Variants in NCKIPSD observed in about 807,000 individuals in gnomAD.
The protein encoded by NCKIPSD is NCK interacting protein with SH3 domain, also known as NCK-interacting protein with SH3 domain.
NCKIPSD carries 48 observed loss-of-function variants against 73.4 expected under a neutral mutation model. The observed-to-expected ratio is 0.65, with a 90% CI of 0.52 to 0.83. The LOEUF is 0.83. NCKIPSD is among the 40% of genes least tolerant of loss of function. The probability of loss-of-function intolerance (pLI) is 0.00; values close to 1 mark genes in which losing one functional copy is unlikely to be tolerated. For synonymous variants in NCKIPSD, 422 were observed against 403.6 expected, an observed-to-expected ratio of 1.05 and a Z score of -0.54; for missense variants, 884 against 970.2, an observed-to-expected ratio of 0.91 and a Z score of 1.18.
intron 11 of NCKIPSD, 50 bp downstream of exon 11, chr3:48,678,827 G>A (rs1055091790): frequency 1.9e-6 from 3 of 1,613,378 alleles, no homozygotes; most frequent in Middle Eastern, 1.6e-4. Context: ...CAGGGGTCAT[G>A]GAGTCACAGG....
At position 48,682,948 on chromosome 3, in the gene NCKIPSD, A is replaced by G. The variant is rs2077379741; in HGVS notation, c.236T>C (p.Met79Thr). The change falls in exon 2 of 13, where the codon ATG (methionine) becomes ACG (threonine). Residue 79 changes from methionine (M) to threonine (T), a missense_variant. Physicochemically the swap from Met to Thr is moderately conservative, Grantham distance 81 (BLOSUM62 -1). Transcript: ENST00000294129. ...RAIEAVHNTA[M>T]RDGGKYSLEQ... ...CAGGCTGTACTTGCCACCATCCCGC[A>G]TGGCTGTGTTGTGTACAGCCTCGAT... The G allele has an allele frequency of 3.9e-6, 6 of 1,553,126 alleles. No homozygotes were observed. The highest frequency in any genetic ancestry group is 1.4e-5 in the African/African-American group (1 of 73,228).
intron 8 of NCKIPSD, 44 bp from the exon 9 acceptor site, chr3:48,679,501 G>A (rs1179872049): frequency 3.7e-6 from 6 of 1,606,142 alleles, no homozygotes; most frequent in Non-Finnish European, 5.1e-6. Context: ...AAAGATGGCA[G>A]GAAACCCCAG....
At chr3:48,679,992 G>A (rs2077324530) in intron 6 of NCKIPSD, 67 bp downstream of exon 6, 1 of 1,605,056 alleles carries the variant, frequency 6.2e-7, no homozygotes, top group Admixed American at 1.7e-5. Context: ...CTAGCACTGT[G>A]AGGGATGCTA....
At chr3:48,679,262 G>A in intron 9 of NCKIPSD, 79 bp from the exon 10 acceptor site, 2 of 1,611,226 alleles carry the variant, frequency 1.2e-6, no homozygotes, top group Non-Finnish European at 1.7e-6. Flanking sequence ...GGCTTTCTGT[G>A]AGCCTTGGGG....
At chr3:48,684,912 G>A (rs1264950574) in intron 1 of NCKIPSD, among the ~76,000 whole-genome samples, 1 of 151,990 alleles carries the variant, frequency 6.6e-6, no homozygotes, top group African/African-American at 2.4e-5. Flanking sequence ...GTTGGGGAGT[G>A]GAGCAGACAG....
Position 48,681,610 on chromosome 3 carries a change from GGGACACGGT to G in NCKIPSD, c.760_768del (p.Thr254_Ser256del). On this transcript the variant is annotated inframe_deletion, in exon 5 of 13. Coordinates refer to ENST00000294129, the MANE Select transcript of NCKIPSD (RefSeq NM_016453.4). ...GCCTTGGAGGGAGGGGGCTGGACTT[GGGACACGGT>G]GGTGTGGGTGCCTCGGCGGGGCACA... 1 of 1,614,018 alleles carries G rather than the reference GGGACACGGT, an allele frequency of 6.2e-7. No homozygotes were observed. The highest frequency in any genetic ancestry group is 1.1e-5 in the South Asian group (1 of 91,084).
chr3:48,683,196 T>C (rs2077383916), intron 1 of NCKIPSD, among the ~76,000 whole-genome samples, 184 bp from the exon 2 acceptor site: 1 of 152,230 alleles, frequency 6.6e-6, no homozygotes, highest in Admixed American at 6.5e-5. Context: ...CTCAGGGAGC[T>C]GAGGCACAGG....
intron 11 of NCKIPSD, 21 bp from the exon 12 acceptor site, chr3:48,678,757 C>T (rs750582948): frequency 3.7e-6 from 6 of 1,611,230 alleles, no homozygotes; most frequent in East Asian, 2.2e-5. Context: ...GGGGTCATAG[C>T]GGTCAGGGTG....
intron 1 of NCKIPSD, among the ~76,000 whole-genome samples, chr3:48,684,005 CACACACA>C (rs2077396335): frequency 6.7e-6 from 1 of 150,172 alleles, no homozygotes; most frequent in Non-Finnish European, 1.5e-5. Context: ...CACACACACA[CACACACA>C]CACACACAGA....
In NCKIPSD at chr3:48,679,123, A is replaced by G. The variant is rs2077304938; in HGVS notation, c.1631T>C (p.Leu544Ser). The G allele has an allele frequency of 3.1e-6, 5 of 1,614,006 alleles. No homozygotes were observed. Among genetic ancestry groups the G allele is most frequent in the African/African-American group, 1.3e-5 (1 of 74,902 alleles). The change falls in exon 10 of 13, where the codon TTG becomes TCG. Residue 544 changes from leucine to serine, a missense_variant. Physicochemically the swap from Leu to Ser is moderately radical, Grantham distance 145 (BLOSUM62 -2). Coordinates refer to ENST00000294129, the MANE Select transcript of NCKIPSD (RefSeq NM_016453.4). ...GTCCGGCAGCTGCTCTGTGGTGTCC[A>G]AGGGCAGCCCATCCTCGACGATGTT... ...LLNIVEDGLPLDTTEQLPDLC... is the reference protein window; with the variant it reads ...LLNIVEDGLPSDTTEQLPDLC...
Position 48,679,607 on chromosome 3 carries a change from T to C in NCKIPSD, c.1457A>G (p.Glu486Gly). 2.5e-6 allele frequency: 4 copies of C among 1,614,168 alleles called. No homozygotes were observed. Among genetic ancestry groups the C allele is most frequent in the Non-Finnish European group, 3.4e-6 (4 of 1,180,014 alleles). The stretch of plus-strand genomic sequence containing the variant: ...GTCTGTCTGCATGTCCCTCGCCAGC[T>C]CTACAGGCAGCACGGATGACACAAG... Reference protein sequence around the residue: ...STLVSSVLPVELARDMQTDTQ... With the variant: ...STLVSSVLPVGLARDMQTDTQ... Residue 486 changes from glutamate (E) to glycine (G), a missense_variant, in exon 8 of 13, where the codon GAG (glutamate) becomes GGG (glycine). Transcript: ENST00000294129.
chr3:48,674,499 C>T lies in NCKIPSD; in HGVS notation c.*45G>A. Reference sequence around the variant, plus strand: ...TTCTTAGGGCCAAGCCCCTGAGTCCCCTGCACACTGACTGGAGCTGCAGGG... The same window carrying T: ...TTCTTAGGGCCAAGCCCCTGAGTCCTCTGCACACTGACTGGAGCTGCAGGG... On this transcript the variant is annotated 3_prime_UTR_variant, in exon 13 of 13. Transcript: ENST00000294129. 1 of 1,551,104 alleles carries T rather than the reference C, an allele frequency of 6.4e-7. No individual in the cohort carries two copies. The highest frequency in any genetic ancestry group is 2.4e-5 in the East Asian group (1 of 41,296).
intron 1 of NCKIPSD, among the ~76,000 whole-genome samples, chr3:48,683,643 A>G (rs200910254): frequency 6.6e-6 from 1 of 152,150 alleles, no homozygotes; most frequent in East Asian, 1.9e-4. Flanking sequence ...TTTGTGGCAA[A>G]GGATAAACAT....
In NCKIPSD at chr3:48,685,872, A is replaced by C. The variant is rs924066823; in HGVS notation, c.-65T>G. Reference sequence around the variant, plus strand: ...TGCGGCGCCACAACGCCAGGCCGGGAGCGCCGAGCCGCGCCGCGGTTGTCC... The same window carrying C: ...TGCGGCGCCACAACGCCAGGCCGGGCGCGCCGAGCCGCGCCGCGGTTGTCC... On this transcript the variant is annotated 5_prime_UTR_variant, in exon 1 of 13. Coordinates refer to ENST00000294129, the MANE Select transcript of NCKIPSD (RefSeq NM_016453.4). 8 of 1,320,046 alleles carry C rather than the reference A, an allele frequency of 6.1e-6. No homozygotes were observed. The highest frequency in any genetic ancestry group is 1.9e-5 in the South Asian group (1 of 52,348). 81.8% of individuals were successfully genotyped at this position (1,320,046 alleles called of 1,614,324 possible).
rs773823442 is a variant in NCKIPSD, at chr3:48,680,036, T to G, written c.1263+23A>C. The stretch of plus-strand genomic sequence containing the variant: ...GGGCCACTGTTCCCCATGTGGGGTA[T>G]GTGTGTGGGACCCCACCCTTACCAG... On this transcript the variant is annotated intron_variant, in intron 6 of 12. Coordinates refer to ENST00000294129, the MANE Select transcript of NCKIPSD (RefSeq NM_016453.4). The G allele has an allele frequency of 1.9e-6, 3 of 1,605,670 alleles. No individual in the cohort carries two copies. The East Asian group carries it at 6.7e-5, about 36-fold the overall frequency.
At chr3:48,676,945 A>C (rs2077264884) in intron 12 of NCKIPSD, among the ~76,000 whole-genome samples, 1 of 149,334 alleles carries the variant, frequency 6.7e-6, no homozygotes, top group Admixed American at 6.7e-5. Flanking sequence ...TAATTTTTGT[A>C]TTTTTCGTAT....
chr3:48,679,492 A>G (rs372938498), intron 8 of NCKIPSD, 35 bp from the exon 9 acceptor site: 232 of 1,606,794 alleles, frequency 1.4e-4, no homozygotes, highest in Middle Eastern at 3.3e-4. Context: ...AGAGTCCCCA[A>G]AGATGGCAGG....
chr3:48,679,764 G>C, intron 7 of NCKIPSD, 37 bp downstream of exon 7: 1 of 1,614,140 alleles, frequency 6.2e-7, no homozygotes, highest in East Asian at 2.2e-5. Flanking sequence ...CACTATCTAG[G>C]TCTCTCCATT....
chr3:48,681,950 C>G (rs1193106921), intron 4 of NCKIPSD, 95 bp downstream of exon 4: 2 of 1,500,578 alleles, frequency 1.3e-6, no homozygotes, highest in Admixed American at 4.0e-5. Context: ...TGTCCTCTTC[C>G]CCAGCTTAGA....
Sources: allele counts gnomAD v4.1 joint callset (sites outside exome capture counted in the v4.1 genomes callset), GRCh38; gene constraint gnomAD v4.1.1; transcripts MANE v1.5; gene names NCBI Gene and HGNC (gene_info 2026-07-23, HGNC 2026-07-21).